Variants in ZNF618 observed in about 807,000 individuals in gnomAD.
ZNF618 encodes the protein zinc finger protein 618.
ZNF618 carries 34 observed loss-of-function variants against 103.0 expected under a neutral mutation model. The observed-to-expected ratio is 0.33, with a 90% CI of 0.25 to 0.44. ZNF618 has a LOEUF of 0.44. ZNF618 is among the 20% of genes least tolerant of loss of function. ZNF618 has a pLI of 1.00. For missense variants in ZNF618, 1,059 were observed against 1,295.4 expected (o/e 0.82, Z 2.80); for synonymous variants, 551 against 542.2 (o/e 1.02, Z -0.23).
chr9:113,882,870 C>G (rs1036593540), intron 1 of ZNF618, among the ~76,000 whole-genome samples: 1 of 152,178 alleles, frequency 6.6e-6, no homozygotes, highest in African/African-American at 2.4e-5. Context: ...TGCACTTCTT[C>G]TTCTGTAGAG....
At chr9:113,955,081 C>T (rs2132422668) in intron 1 of ZNF618, among the ~76,000 whole-genome samples, 1 of 152,104 alleles carries the variant, frequency 6.6e-6, no homozygotes, top group South Asian at 2.1e-4. Flanking sequence ...TCTATTCACT[C>T]ATCACCTGTG....
rs1176702411 is a variant in ZNF618 at position 114,002,606 on chromosome 9, C to A, written c.512-18C>A. 6.2e-7 allele frequency: 1 copy of A among 1,601,410 alleles called. No individual in the cohort carries two copies. The highest frequency in any genetic ancestry group is 1.1e-5 in the South Asian group (1 of 90,276). On this transcript the variant is annotated intron_variant, in intron 5 of 14. Coordinates refer to ENST00000374126, the MANE Select transcript of ZNF618 (RefSeq NM_001318042.2). ...GCCCGGTAGCCCCACCCCCATCCCTCTCTCTCTCTCTTTGCAGACACCGAA... is the reference window on the plus strand; with the variant it reads ...GCCCGGTAGCCCCACCCCCATCCCTATCTCTCTCTCTTTGCAGACACCGAA...
intron 10 of ZNF618, among the ~76,000 whole-genome samples, chr9:114,018,117 C>T (rs1437994756): frequency 6.6e-6 from 1 of 152,212 alleles, no homozygotes; most frequent in Non-Finnish European, 1.5e-5. Context: ...CATGAGGTAC[C>T]TGCTATGGCC....
chr9:113,879,004 GC>G (rs1437896717), intron 1 of ZNF618, among the ~76,000 whole-genome samples: 1 of 151,506 alleles, frequency 6.6e-6, no homozygotes, highest in Non-Finnish European at 1.5e-5. Flanking sequence ...TTTGGAATGA[GC>G]TTTTTTTTTT....
intron 1 of ZNF618, among the ~76,000 whole-genome samples, chr9:113,884,307 A>G (rs1363974597): frequency 3.9e-5 from 6 of 152,278 alleles, no homozygotes; most frequent in African/African-American, 1.4e-4. Flanking sequence ...TCCACCAGTT[A>G]ATCATTTTGT....
chr9:113,892,737 T>C (rs539642410), intron 1 of ZNF618, among the ~76,000 whole-genome samples: 2 of 152,338 alleles, frequency 1.3e-5, no homozygotes, highest in East Asian at 3.9e-4. Context: ...TTGTTGTACT[T>C]AAATGGTTTA....
At chr9:113,916,073 TG>T (rs1832047591) in intron 1 of ZNF618, among the ~76,000 whole-genome samples, 1 of 26,546 alleles carries the variant, frequency 3.8e-5, no homozygotes, top group African/African-American at 1.1e-4. Context: ...CGCGTGTGTC[TG>T]TGTGTGTGTG....
intron 1 of ZNF618, among the ~76,000 whole-genome samples, chr9:113,938,607 C>T (rs1218655656): frequency 7.3e-6 from 1 of 136,110 alleles, no homozygotes; most frequent in Non-Finnish European, 1.5e-5. Flanking sequence ...CTAGCTCTAT[C>T]GTCCAGGCTA....
At position 113,948,886 on chromosome 9, in the gene ZNF618, C is replaced by G. The variant is rs372061709; in HGVS notation, c.34-20231C>G. On this transcript the variant is annotated intron_variant, in intron 1 of 14. Coordinates refer to ENST00000374126, the MANE Select transcript of ZNF618 (RefSeq NM_001318042.2). The stretch of plus-strand genomic sequence containing the variant: ...GTTGATGGCATTATTTCTGCACTTA[C>G]CAGCTTGGTGGGGAAGGTTCCTGCT... 3.1e-4 allele frequency among the ~76,000 whole-genome samples: 47 copies of G among 152,356 alleles called. 1 individual carries two copies. The East Asian group carries it at 4.8e-3, about 16-fold the overall frequency.
chr9:113,958,524 G>A (rs1039409218), intron 1 of ZNF618, among the ~76,000 whole-genome samples: 1 of 152,216 alleles, frequency 6.6e-6, no homozygotes, highest in Non-Finnish European at 1.5e-5. Flanking sequence ...CCTGTTCCAA[G>A]CACAACTAGC....
rs145814880 is a variant in ZNF618 at position 113,977,707 on chromosome 9, G to A, written c.77+8547G>A. ...CGAAGGTAGCGTGTCTGTTTAAAAT[G>A]CCATTAACACTGCTTCTCCTTAACG... On this transcript the variant is annotated intron_variant, in intron 2 of 14. Transcript: ENST00000374126. Among the ~76,000 whole-genome samples the A allele has an allele frequency of 2.3e-3, 349 of 152,286 alleles. 3 individuals are homozygous for A. Among genetic ancestry groups the A allele is most frequent in the African/African-American group, 8.1e-3 (336 of 41,562 alleles).
At chr9:113,879,434 G>A (rs1250672836) in intron 1 of ZNF618, among the ~76,000 whole-genome samples, 1 of 101,224 alleles carries the variant, frequency 9.9e-6, no homozygotes, top group Non-Finnish European at 1.9e-5. Flanking sequence ...TTCTGATCAT[G>A]TTTGTTGTAA....
intron 10 of ZNF618, among the ~76,000 whole-genome samples, chr9:114,022,260 C>T (rs1330785318): frequency 6.6e-6 from 1 of 151,908 alleles, no homozygotes; most frequent in Non-Finnish European, 1.5e-5. Context: ...CGTTGGGTAT[C>T]AGAGTATTGC....
At chr9:114,035,582 C>A (rs950735276) in intron 12 of ZNF618, among the ~76,000 whole-genome samples, 1 of 151,592 alleles carries the variant, frequency 6.6e-6, no homozygotes, top group African/African-American at 2.4e-5. Flanking sequence ...CTTCTTCCCA[C>A]CCCTCTTTCT....
At chr9:113,908,210 A>T (rs994939965) in intron 1 of ZNF618, among the ~76,000 whole-genome samples, 2 of 152,124 alleles carry the variant, frequency 1.3e-5, no homozygotes, top group Non-Finnish European at 2.9e-5. Flanking sequence ...GTAAGTTAAG[A>T]CCCTAACATT....
intron 12 of ZNF618, among the ~76,000 whole-genome samples, chr9:114,033,371 G>C (rs1367979236): frequency 6.7e-6 from 1 of 149,454 alleles, no homozygotes; most frequent in African/African-American, 2.5e-5. Flanking sequence ...GGGTGACAGA[G>C]CGAGACTCTG....
chr9:113,922,800 G>T (rs540750084), intron 1 of ZNF618, among the ~76,000 whole-genome samples: 1 of 152,086 alleles, frequency 6.6e-6, no homozygotes, highest in Non-Finnish European at 1.5e-5. Flanking sequence ...TTGCCTTTCA[G>T]TATATACACT....
intron 1 of ZNF618, among the ~76,000 whole-genome samples, chr9:113,950,746 C>A (rs2132274491): frequency 1.3e-5 from 2 of 152,256 alleles, no homozygotes; most frequent in South Asian, 4.2e-4. Flanking sequence ...GGGGCTCCAA[C>A]CCGGCCTCAG....
chr9:113,997,949 T>C (rs1357502352), intron 3 of ZNF618, among the ~76,000 whole-genome samples: 2 of 152,200 alleles, frequency 1.3e-5, no homozygotes, highest in African/African-American at 4.8e-5. Flanking sequence ...GCACATGTCC[T>C]TGGAGGGTGA....
Sources: gnomAD v4.1 joint callset for allele counts (sites outside exome capture counted in the v4.1 genomes callset) on GRCh38, gnomAD v4.1.1 for gene constraint, MANE v1.5 for transcripts, NCBI Gene and HGNC (gene_info 2026-07-23, HGNC 2026-07-21) for gene names.